RELA: variants seen among roughly 807,000 people sequenced by gnomAD.
RELA encodes RELA proto-oncogene, NF-kB subunit.
Under a neutral mutation model 56.7 loss-of-function variants are expected in RELA, and 14 were observed. The ratio of observed to expected loss-of-function variants is 0.25; its 90% CI spans 0.16 to 0.39. The LOEUF (loss-of-function observed/expected upper bound fraction) is 0.39. Among genes scored for constraint, RELA ranks in the 10% least tolerant of loss-of-function variants. RELA has a pLI of 1.00. For synonymous variants in RELA, 315 were observed against 289.7 expected (o/e 1.09, Z -0.89); for missense variants, 559 against 736.4 (o/e 0.76, Z 2.79).
At chr11:65,662,472 A>C (rs918205467) in intron 1 of RELA, 38 of 485,916 alleles carry the variant, frequency 7.8e-5, no homozygotes, top group African/African-American at 7.3e-4. Context: ...AAATTGAGGG[A>C]GGGCACGCCC....
chr11:65,659,777 C>T lies in RELA; in HGVS notation c.448G>A (p.Gly150Arg). 4 of 1,613,144 alleles carry T rather than the reference C, an allele frequency of 2.5e-6. No individual in the cohort carries two copies. Among genetic ancestry groups the T allele is most frequent in the Non-Finnish European group, 2.5e-6 (3 of 1,179,596 alleles). ...CGCACAGCATTCAGGTCGTAGTCCC[C>T]ACGCTGCTCTTCTATAGGAACTGCC... ...PFQVPIEEQR[G>R]DYDLNAVRLC... The change falls in exon 6 of 11, where the codon GGG becomes AGG. Residue 150 changes from glycine (G) to arginine (R), a missense_variant. Around this residue, in one of 4 missense-constraint regions of RELA, gnomAD observed 149 missense variants for 256.0 expected, o/e 0.58. Coordinates refer to ENST00000406246, the MANE Select transcript of RELA (RefSeq NM_021975.4).
At position 65,662,888 on chromosome 11, in the gene RELA, C is replaced by G. The variant is rs1468506369; in HGVS notation, c.-56G>C. On this transcript the variant is annotated 5_prime_UTR_variant, in exon 1 of 11. Transcript: ENST00000406246. ...GCAGCTGGGCCCGCGGCGTGCACTA[C>G]AGACGAGCCATTCGCCAGAGGCGGA... 15 of 1,176,686 alleles carry G rather than the reference C, an allele frequency of 1.3e-5. No individual in the cohort carries two copies. The highest frequency in any genetic ancestry group is 1.6e-5 in the African/African-American group (1 of 62,230). The allele number at this position is 1,176,686 out of a possible 1,614,324, so 72.9% of individuals were successfully genotyped here.
At position 65,654,411 on chromosome 11, in the gene RELA, G is replaced by T; in HGVS notation, c.1623C>A (p.Asp541Glu). ...DEDFSSIADM[D>E]FSALLSQISS ...TGATCTGACTCAGCAGGGCTGAGAA[G>T]TCCATGTCCGCAATGGAGGAGAAGT... The change falls in exon 11 of 11, where the codon GAC becomes GAA. Residue 541 changes from aspartate (D) to glutamate (E), a missense_variant. Asp to Glu is a conservative substitution (Grantham distance 45, BLOSUM62 2). Transcript: ENST00000406246. The T allele has an allele frequency of 6.2e-7, 1 of 1,612,428 alleles. No homozygotes were observed. The highest frequency in any genetic ancestry group is 8.5e-7 in the Non-Finnish European group (1 of 1,179,350).
intron 5 of RELA, 79 bp downstream of exon 5, chr11:65,660,045 G>T (rs1469880537): frequency 3.6e-6 from 5 of 1,395,524 alleles, no homozygotes; most frequent in Non-Finnish European, 5.1e-6. Flanking sequence ...CTGTGTCTTG[G>T]CCAGTGAGGG....
chr11:65,653,838 T>C lies in RELA; in HGVS notation c.*540A>G, dbSNP rs1276858029. 1 of 177,080 alleles carries C rather than the reference T, an allele frequency of 5.6e-6. No individual in the cohort carries two copies. Among genetic ancestry groups the C allele is most frequent in the Non-Finnish European group, 1.2e-5 (1 of 82,798 alleles). 11.0% of individuals were successfully genotyped at this position (177,080 alleles called of 1,614,324 possible). On this transcript the variant is annotated 3_prime_UTR_variant, in exon 11 of 11. Transcript: ENST00000406246. ...CTGTTGCACTGGTTTCCTTCAGCCA[T>C]GGTTGAGCAAGGAAAGAGCCGGCAG...
chr11:65,655,606 G>T lies in RELA; in HGVS notation c.1033+82C>A, dbSNP rs138832483. The T allele has an allele frequency of 1.2e-4, 159 of 1,352,568 alleles. 1 individual carries two copies. In the East Asian group the frequency reaches 3.7e-3, roughly 32 times the overall value. 83.8% of individuals were successfully genotyped at this position (1,352,568 alleles called of 1,614,324 possible). On this transcript the variant is annotated intron_variant, in intron 10 of 10. Transcript: ENST00000406246. Reference sequence around the variant, plus strand: ...TCTGATTCAGTAGGTCTGTAATGGGGCCCAGGAGTCTTCATCTCCACTGCT... The same window carrying T: ...TCTGATTCAGTAGGTCTGTAATGGGTCCCAGGAGTCTTCATCTCCACTGCT...
rs1856483934 is a variant in RELA, at chr11:65,658,432, C to T, written c.732G>A (p.Val244=). The change falls in exon 8 of 11, where the codon GTG becomes GTA. Residue 244 remains valine (V), a synonymous_variant. Coordinates refer to ENST00000406246, the MANE Select transcript of RELA (RefSeq NM_021975.4). The surrounding 1 kb of genome is among the most constrained non-coding windows in gnomAD (Gnocchi z 4.5). ...EARGSFSQAD[V]HRQVAIVFRT... is the part of the protein sequence containing the mutation. ...GGAACACAATGGCCACTTGTCGGTG[C>T]ACATCAGCTTGCGAAAAGGAGCCTC... The T allele has an allele frequency of 6.2e-7, 1 of 1,613,460 alleles. No homozygotes were observed. The highest frequency in any genetic ancestry group is 1.1e-5 in the South Asian group (1 of 91,026).
chr11:65,657,765 G>A (rs1856467174), intron 8 of RELA, among the ~76,000 whole-genome samples: 1 of 152,204 alleles, frequency 6.6e-6, no homozygotes, highest in Admixed American at 6.5e-5. Flanking sequence ...GATCTGTTTT[G>A]CACATTTGTC....
rs767826580 is a variant in RELA, at chr11:65,654,530, G to A, written c.1504C>T (p.Arg502Cys). ...MLMEYPEAIT[R>C]LVTGAQRPPD... ...GGCCTCTGGGCCCCTGTCACTAGGCGAGTTATAGCCTCAGGGTACTCCATC... is the reference window on the plus strand; with the variant it reads ...GGCCTCTGGGCCCCTGTCACTAGGCAAGTTATAGCCTCAGGGTACTCCATC... The change falls in exon 11 of 11, where the codon CGC (arginine) becomes TGC (cysteine). Residue 502 changes from arginine (R) to cysteine (C), a missense_variant. Transcript: ENST00000406246. 4 of 1,610,468 alleles carry A rather than the reference G, an allele frequency of 2.5e-6. No individual in the cohort carries two copies. The highest frequency in any genetic ancestry group is 1.7e-5 in the Admixed American group (1 of 59,074).
In RELA at chr11:65,658,853, T is replaced by C. The variant is rs768499537; in HGVS notation, c.560-31A>G. The stretch of plus-strand genomic sequence containing the variant: ...GCAGTGAAAACAAGGGAGGATGACC[T>C]GAGCCACGAGAGGTCCCCAGGGTGG... On this transcript the variant is annotated intron_variant, in intron 6 of 10. Transcript: ENST00000406246. The surrounding 1 kb of genome is among the most constrained non-coding windows in gnomAD (Gnocchi z 4.5). 1.3e-6 allele frequency: 2 copies of C among 1,593,774 alleles called. No individual in the cohort carries two copies. The highest frequency in any genetic ancestry group is 1.7e-6 in the Non-Finnish European group (2 of 1,161,692).
chr11:65,657,546 C>A (rs186147290), intron 8 of RELA, among the ~76,000 whole-genome samples: 1 of 152,326 alleles, frequency 6.6e-6, no homozygotes, highest in African/African-American at 2.4e-5. Context: ...CAGCTCAAAC[C>A]ACGAAGGTGG....
chr11:65,658,575 T>G lies in RELA; in HGVS notation c.665-76A>C. The G allele has an allele frequency of 7.0e-7, 1 of 1,424,550 alleles. No individual in the cohort carries two copies. Among genetic ancestry groups the G allele is most frequent in the Non-Finnish European group, 9.8e-7 (1 of 1,024,888 alleles). The allele number at this position is 1,424,550 out of a possible 1,614,324, so 88.2% of individuals were successfully genotyped here. On this transcript the variant is annotated intron_variant, in intron 7 of 10. Transcript: ENST00000406246. This position sits in a 1 kb window ranked among gnomAD's most constrained non-coding sequence, Gnocchi z 4.5. ...TCTCCCCCTCAACTTCTGATGCTTG[T>G]CTTCTGATACATCACCCTTCGGCCC... is the stretch of plus-strand genomic sequence containing the variant.
At position 65,657,039 on chromosome 11, in the gene RELA, A is replaced by AAACC. The variant is rs1856449486; in HGVS notation, c.878-1105_878-1104insGGTT. Among the ~76,000 whole-genome samples the AAACC allele has an allele frequency of 5.3e-5, 8 of 150,758 alleles. No homozygotes were observed. The South Asian group carries it at 1.3e-3, about 24-fold the overall frequency. On this transcript the variant is annotated intron_variant, in intron 8 of 10. Coordinates refer to ENST00000406246, the MANE Select transcript of RELA (RefSeq NM_021975.4). ...GAGACTCTGTCTCAAACAAACAAACAAAACCAAACCAGAAAATCTCAAGTG... is the reference window on the plus strand; with the variant it reads ...GAGACTCTGTCTCAAACAAACAAACAAACCAAACCAAACCAGAAAATCTCAAGTG...
chr11:65,658,027 A>G lies in RELA; in HGVS notation c.877+260T>C, dbSNP rs1334071689. Among the ~76,000 whole-genome samples the G allele has an allele frequency of 1.3e-5, 2 of 152,212 alleles. No homozygotes were observed. The highest frequency in any genetic ancestry group is 2.4e-5 in the African/African-American group (1 of 41,448). Reference sequence around the variant, plus strand: ...CGTGAACCCAGGCAAGTTGGACACTATCTCCTACTTCAAAAGGGTCATGAG... The same window carrying G: ...CGTGAACCCAGGCAAGTTGGACACTGTCTCCTACTTCAAAAGGGTCATGAG... On this transcript the variant is annotated intron_variant, in intron 8 of 10. Coordinates refer to ENST00000406246, the MANE Select transcript of RELA (RefSeq NM_021975.4). This position sits in a 1 kb window ranked among gnomAD's most constrained non-coding sequence, Gnocchi z 4.5.
Position 65,654,893 on chromosome 11 carries a change from GGGCCAA to G in RELA, c.1135_1140del (p.Leu379_Ala380del). The G allele has an allele frequency of 6.3e-7, 1 of 1,586,686 alleles. No homozygotes were observed. Among genetic ancestry groups the G allele is most frequent in the Non-Finnish European group, 8.6e-7 (1 of 1,166,302 alleles). On this transcript the variant is annotated inframe_deletion, in exon 11 of 11. Coordinates refer to ENST00000406246, the MANE Select transcript of RELA (RefSeq NM_021975.4). ...TGGGGCAGGACTTGGGGAGGGGCCG[GGGCCAA>G]GGCCGAGGCCTGGCTGATCTGCCCA... is the stretch of plus-strand genomic sequence containing the variant.
chr11:65,658,071 A>G lies in RELA; in HGVS notation c.877+216T>C, dbSNP rs1228898131. On this transcript the variant is annotated intron_variant, in intron 8 of 10. Transcript: ENST00000406246. This position sits in a 1 kb window ranked among gnomAD's most constrained non-coding sequence, Gnocchi z 4.5. ...TCATGAGATTAAAATCAGGTAATCC[A>G]GTGAAGTGCCTGGAATAGGGGCAGA... Among the ~76,000 whole-genome samples the G allele has an allele frequency of 6.6e-6, 1 of 152,240 alleles. No homozygotes were observed. Among genetic ancestry groups the G allele is most frequent in the Non-Finnish European group, 1.5e-5 (1 of 68,042 alleles).
At chr11:65,659,045 G>A (rs1054963899) in intron 6 of RELA, among the ~76,000 whole-genome samples, 6 of 152,144 alleles carry the variant, frequency 3.9e-5, no homozygotes, top group East Asian at 3.9e-4. Flanking sequence ...GCAAGAATAC[G>A]ACCACACACA....
In RELA at chr11:65,658,761, G is replaced by A. The variant is rs139427546; in HGVS notation, c.621C>T (p.Leu207=). 4 of 1,614,002 alleles carry A rather than the reference G, an allele frequency of 2.5e-6. No individual in the cohort carries two copies. Among genetic ancestry groups the A allele is most frequent in the East Asian group, 2.2e-5 (1 of 44,892 alleles). The change falls in exon 7 of 11, where the codon CTC becomes CTT. Residue 207 remains leucine, a synonymous_variant. Coordinates refer to ENST00000406246, the MANE Select transcript of RELA (RefSeq NM_021975.4). This position sits in a 1 kb window ranked among gnomAD's most constrained non-coding sequence, Gnocchi z 4.5. ...CRVNRNSGSC[L]GGDEIFLLCD... is the part of the protein sequence containing the mutation. ...ACAGTAGGAAGATCTCATCCCCACC[G>A]AGGCAGCTGCCAGAGTTTCGGTTCA...
rs745643237 is a variant in RELA, at chr11:65,655,829, T to C, written c.958+26A>G. On this transcript the variant is annotated intron_variant, in intron 9 of 10. Transcript: ENST00000406246. ...CCCCTCCCTGCCCGCTGCCTTCCTC[T>C]CTGGCTTTCCCAGTCCCCATCTCAC... 25 of 1,613,616 alleles carry C rather than the reference T, an allele frequency of 1.5e-5. No individual in the cohort carries two copies. The African/African-American group carries it at 3.1e-4, about 20-fold the overall frequency.
Sources: allele counts gnomAD v4.1 joint callset (sites outside exome capture counted in the v4.1 genomes callset), GRCh38; gene constraint gnomAD v4.1.1; regional missense constraint gnomAD v4.1.1; non-coding constraint Gnocchi (gnomAD v3.1); transcripts MANE v1.5; gene names NCBI Gene and HGNC (gene_info 2026-07-23, HGNC 2026-07-21).